PRDM7: variants seen among roughly 807,000 people sequenced by gnomAD.
PRDM7 encodes the protein histone-lysine N-methyltransferase PRDM7.
PRDM7 carries 52 observed loss-of-function variants against 64.3 expected under a neutral mutation model. The ratio of observed to expected loss-of-function variants is 0.81; its 90% CI spans 0.65 to 1.02. PRDM7 has a LOEUF of 1.02. Ranked by LOEUF, PRDM7 falls within the 50% of genes least tolerant of loss-of-function variation. PRDM7 has a pLI of 0.00. For missense variants in PRDM7, 574 were observed against 597.1 expected (o/e 0.96, Z 0.40); for synonymous variants, 192 against 210.1 (o/e 0.91, Z 0.74).
Position 90,072,626 on chromosome 16 carries a change from T to C in PRDM7, c.301+2290A>G, listed in dbSNP as rs148202401. On this transcript the variant is annotated intron_variant, in intron 4 of 10. Transcript: ENST00000449207. ...GTTCAATGGGTTAGGGTTTTAGTCA[T>C]GCAAGATAAAGAGTTCTAGGGATCT... is the stretch of plus-strand genomic sequence containing the variant. 6.3e-3 allele frequency among the ~76,000 whole-genome samples: 956 copies of C among 152,352 alleles called. 11 individuals are homozygous for C. The highest frequency in any genetic ancestry group is 0.021 in the African/African-American group (880 of 41,584).
chr16:90,069,279 A>C (rs1254112812), intron 4 of PRDM7, among the ~76,000 whole-genome samples: 1 of 151,398 alleles, frequency 6.6e-6, no homozygotes, highest in African/African-American at 2.5e-5. Flanking sequence ...TCTGCAAGAA[A>C]TTGTGTTGGG....
intron 4 of PRDM7, among the ~76,000 whole-genome samples, chr16:90,072,088 TG>T (rs2037966833): frequency 6.6e-6 from 1 of 151,954 alleles, no homozygotes; most frequent in African/African-American, 2.4e-5. Flanking sequence ...AAAATTAGCC[TG>T]GCGTGGTGGC....
chr16:90,074,825 G>A, intron 4 of PRDM7, 91 bp downstream of exon 4: 1 of 1,324,248 alleles, frequency 7.6e-7, no homozygotes, highest in Non-Finnish European at 1.1e-6. Flanking sequence ...GTTGCCGTGA[G>A]CCAAGATCAC....
chr16:90,076,053 G>C (rs2038032393), intron 1 of PRDM7, 58 bp from the exon 2 acceptor site: 1 of 928,164 alleles, frequency 1.1e-6, no homozygotes, highest in Non-Finnish European at 1.7e-6. Context: ...CCCAGAACAA[G>C]GCTCTGTCTT....
Position 90,075,582 on chromosome 16 carries a change from T to C in PRDM7, c.70-108A>G, listed in dbSNP as rs2038025594. The C allele has an allele frequency of 6.4e-7, 1 of 1,572,576 alleles. No individual in the cohort carries two copies. Among genetic ancestry groups the C allele is most frequent in the Non-Finnish European group, 8.7e-7 (1 of 1,144,072 alleles). On this transcript the variant is annotated intron_variant, in intron 2 of 10. Coordinates refer to ENST00000449207, the MANE Select transcript of PRDM7 (RefSeq NM_001098173.2). The surrounding 1 kb of genome is among the most constrained non-coding windows in gnomAD (Gnocchi z 4.3). ...AGCCTGGGGCCTCTGGGAGTCTCTG[T>C]GAAACATAAAGACCTTCCCTCCTTC...
At chr16:90,076,144 C>G in intron 1 of PRDM7, 149 bp from the exon 2 acceptor site, 1 of 564,284 alleles carries the variant, frequency 1.8e-6, no homozygotes, top group Non-Finnish European at 3.2e-6. Context: ...TCTGGGGGTA[C>G]TGATGGGATG....
Position 90,062,422 on chromosome 16 carries a change from G to A in PRDM7, c.589C>T (p.Pro197Ser). Residue 197 changes from proline (P) to serine (S), a missense_variant, in exon 7 of 11, where the codon CCA becomes TCA. Physicochemically the swap from Pro to Ser is moderately conservative, Grantham distance 74 (BLOSUM62 -1). Coordinates refer to ENST00000449207, the MANE Select transcript of PRDM7 (RefSeq NM_001098173.2). Reference sequence around the variant, plus strand: ...TCACAGAGGTAGTCATCATCCTGTGGCTCGCTGATCTCTTTGTATGCATGA... The same window carrying A: ...TCACAGAGGTAGTCATCATCCTGTGACTCGCTGATCTCTTTGTATGCATGA... Reference protein sequence around the residue: ...KGHAYKEISEPQDDDYLYCEM... With the variant: ...KGHAYKEISESQDDDYLYCEM... 1 of 1,614,088 alleles carries A rather than the reference G, an allele frequency of 6.2e-7. No individual in the cohort carries two copies. The highest frequency in any genetic ancestry group is 8.5e-7 in the Non-Finnish European group (1 of 1,179,960).
rs9929058 is a variant in PRDM7 at position 90,063,801 on chromosome 16, C to T, written c.352-33G>A. On this transcript the variant is annotated intron_variant, in intron 5 of 10. Transcript: ENST00000449207. ...GTGAGAATCACATATTAAAAGACAACGTGCATTTATTTAGTTCTTTACGGC... is the reference window on the plus strand; with the variant it reads ...GTGAGAATCACATATTAAAAGACAATGTGCATTTATTTAGTTCTTTACGGC... 4,034 of 1,611,504 alleles carry T rather than the reference C, an allele frequency of 2.5e-3. 95 individuals are homozygous for T. The African/African-American group carries it at 0.048, about 19-fold the overall frequency.
At chr16:90,068,711 T>A (rs770390865) in intron 4 of PRDM7, among the ~76,000 whole-genome samples, 6 of 150,106 alleles carry the variant, frequency 4.0e-5, no homozygotes, top group Non-Finnish European at 5.9e-5. Context: ...GTGTTTCTAT[T>A]TAGTAAAAAT....
At chr16:90,067,661 G>T (rs2037898060) in intron 4 of PRDM7, among the ~76,000 whole-genome samples, 1 of 148,966 alleles carries the variant, frequency 6.7e-6, no homozygotes, top group South Asian at 2.1e-4. Context: ...CGCGAGGTCG[G>T]CTCACTGCAA....
intron 4 of PRDM7, among the ~76,000 whole-genome samples, chr16:90,067,765 T>A (rs1348200790): frequency 6.6e-6 from 1 of 150,410 alleles, no homozygotes; most frequent in Non-Finnish European, 1.5e-5. Flanking sequence ...TAATTTTTTG[T>A]ATTTTTAGTA....
intron 8 of PRDM7, 52 bp downstream of exon 8, chr16:90,061,869 C>T: frequency 6.2e-7 from 1 of 1,611,540 alleles, no homozygotes; most frequent in Non-Finnish European, 8.5e-7. Context: ...CCATCAAAGG[C>T]ACAGAAGGGA....
intron 10 of PRDM7, 35 bp from the exon 11 acceptor site, chr16:90,058,569 T>C: frequency 6.3e-7 from 1 of 1,595,050 alleles, no homozygotes; most frequent in African/African-American, 1.3e-5. Flanking sequence ...GGTAGATGTT[T>C]TGTTCAGGCC....
At chr16:90,061,629 C>A (rs906102114) in intron 8 of PRDM7, 110 bp from the exon 9 acceptor site, 2 of 1,319,164 alleles carry the variant, frequency 1.5e-6, no homozygotes, top group African/African-American at 1.5e-5. Flanking sequence ...CAACTGCCAA[C>A]TGAGACCACA....
At chr16:90,060,072 T>C (rs1305617151) in intron 10 of PRDM7, among the ~76,000 whole-genome samples, 2 of 152,258 alleles carry the variant, frequency 1.3e-5, no homozygotes. Context: ...AACTTGATTT[T>C]TGTCTTTAAG....
At position 90,066,960 on chromosome 16, in the gene PRDM7, T is replaced by G. The variant is rs746429190; in HGVS notation, c.302-50A>C. On this transcript the variant is annotated intron_variant, in intron 4 of 10. Transcript: ENST00000449207. ...GTTTGGTTGGTAAATGTTTCCAAAC[T>G]CTAGAGATTTTTTTTTCTTTTTGAT... 6 of 1,484,586 alleles carry G rather than the reference T, an allele frequency of 4.0e-6. No homozygotes were observed. The South Asian group carries it at 6.8e-5, about 17-fold the overall frequency. The allele number at this position is 1,484,586 out of a possible 1,614,324, so 92.0% of individuals were successfully genotyped here.
rs1384048663 is a variant in PRDM7 at position 90,058,060 on chromosome 16, A to G, written c.*229T>C. ...CCCTGTGTGTGTCCTTTGGTGTGTA[A>G]TAACATCTGACTTATCACTGAAACC... On this transcript the variant is annotated 3_prime_UTR_variant, in exon 11 of 11. Coordinates refer to ENST00000449207, the MANE Select transcript of PRDM7 (RefSeq NM_001098173.2). 10 of 1,612,810 alleles carry G rather than the reference A, an allele frequency of 6.2e-6. No homozygotes were observed. Among genetic ancestry groups the G allele is most frequent in the Non-Finnish European group, 8.5e-6 (10 of 1,179,176 alleles).
rs1423254803 is a variant in PRDM7 at position 90,062,094 on chromosome 16, G to T, written c.709C>A (p.Arg237Ser). ...DSAVDKGHPN[R>S]SALSLPPGLR... ...CCCGGGGGCAGACTGAGGGCTGAAC[G>T]GTTGGGATGCCCCTTGTCCACTGCA... Residue 237 changes from arginine (R) to serine (S), a missense_variant, in exon 8 of 11, where the codon CGT becomes AGT. Arg to Ser is a moderately radical substitution (Grantham distance 110, BLOSUM62 -1). Coordinates refer to ENST00000449207, the MANE Select transcript of PRDM7 (RefSeq NM_001098173.2). 2 of 1,614,132 alleles carry T rather than the reference G, an allele frequency of 1.2e-6. No homozygotes were observed. The highest frequency in any genetic ancestry group is 2.2e-5 in the East Asian group (1 of 44,900).
chr16:90,060,470 T>C lies in PRDM7; in HGVS notation c.1104A>G (p.Arg368=), dbSNP rs763431660. ...GDEYGQELGI[R]SSIEPAESLG... The stretch of plus-strand genomic sequence containing the variant: ...ATGACTCGGCAGGTTCTATAGAAGA[T>C]CTGATGCCCAGTTCCTGGCCATACT... The change falls in exon 10 of 11, where the codon AGA becomes AGG. Residue 368 remains arginine, a synonymous_variant. Transcript: ENST00000449207. 12 of 1,611,324 alleles carry C rather than the reference T, an allele frequency of 7.4e-6. No individual in the cohort carries two copies. Among genetic ancestry groups the C allele is most frequent in the Non-Finnish European group, 1.0e-5 (12 of 1,179,070 alleles).
Sources: gnomAD v4.1 joint callset for allele counts (sites outside exome capture counted in the v4.1 genomes callset) on GRCh38, gnomAD v4.1.1 for gene constraint, Gnocchi (gnomAD v3.1) non-coding constraint, MANE v1.5 for transcripts, NCBI Gene and HGNC (gene_info 2026-07-23, HGNC 2026-07-21) for gene names.